Variants in LYSMD2 observed in about 807,000 individuals in gnomAD.
The protein encoded by LYSMD2 is lysM and putative peptidoglycan-binding domain-containing protein 2.
In LYSMD2, 6 loss-of-function variants were observed where a neutral mutation model predicts 17.7. The ratio of observed to expected loss-of-function variants is 0.34; its 90% confidence interval spans 0.19 to 0.67. The LOEUF (loss-of-function observed/expected upper bound fraction) is 0.67. LYSMD2 is among the 30% of genes least tolerant of loss of function. The pLI is 0.69. For missense variants in LYSMD2, 237 were observed against 286.7 expected (o/e 0.83, Z 1.25); for synonymous variants, 102 against 129.8 (o/e 0.79, Z 1.45).
intron 1 of LYSMD2, among the ~76,000 whole-genome samples, chr15:51,747,711 T>C (rs1021735330): frequency 6.6e-5 from 10 of 152,340 alleles, no homozygotes; most frequent in African/African-American, 2.4e-4. Context: ...GAATCAGTTG[T>C]TTGTCATGTA....
chr15:51,729,462 ATTTT>A (rs1308203025), intron 1 of LYSMD2, among the ~76,000 whole-genome samples: 1 of 152,112 alleles, frequency 6.6e-6, no homozygotes, highest in Non-Finnish European at 1.5e-5. Context: ...TTATTTATTT[ATTTT>A]TATTGTTTTT....
Position 51,743,267 on chromosome 15 carries a change from C to T in LYSMD2, c.-1+8004G>A, listed in dbSNP as rs192331746. On this transcript the variant is annotated intron_variant, in intron 1 of 2. Transcript: ENST00000454181. Reference sequence around the variant, plus strand: ...CTGGGAGTACAAGCAAGCACCACTGCACCCAGTGGGCTGATTCATCTTGAG... The same window carrying T: ...CTGGGAGTACAAGCAAGCACCACTGTACCCAGTGGGCTGATTCATCTTGAG... 1.7e-4 allele frequency among the ~76,000 whole-genome samples: 26 copies of T among 152,326 alleles called. 1 individual carries two copies. In the East Asian group the frequency reaches 4.8e-3, roughly 28 times the overall value.
intron 1 of LYSMD2, among the ~76,000 whole-genome samples, chr15:51,732,056 C>T (rs976458119): frequency 1.3e-5 from 2 of 152,182 alleles, no homozygotes; most frequent in Admixed American, 6.5e-5. Flanking sequence ...CAAGCCTAAA[C>T]TTATATGTCA....
rs1316932455 is a variant in LYSMD2 at position 51,737,646 on chromosome 15, C to A, written c.-24G>T. On this transcript the variant is annotated 5_prime_UTR_variant, in exon 1 of 3. Transcript: ENST00000267838. The surrounding 1 kb of genome is among the most constrained non-coding windows in gnomAD (Gnocchi z 4.2). Reference sequence around the variant, plus strand: ...ATGGGTCCTGCCGAGGCCGCCGGGTCGGGGAGCTTGCCAAGGGGGCGGCGC... The same window carrying A: ...ATGGGTCCTGCCGAGGCCGCCGGGTAGGGGAGCTTGCCAAGGGGGCGGCGC... 6 of 1,203,848 alleles carry A rather than the reference C, an allele frequency of 5.0e-6. No homozygotes were observed. The highest frequency in any genetic ancestry group is 6.2e-6 in the Non-Finnish European group (6 of 970,144). The allele number at this position is 1,203,848 out of a possible 1,614,324, so 74.6% of individuals were successfully genotyped here.
intron 1 of LYSMD2, among the ~76,000 whole-genome samples, chr15:51,726,351 T>C (rs1322340249): frequency 6.6e-6 from 1 of 152,222 alleles, no homozygotes; most frequent in Non-Finnish European, 1.5e-5. Context: ...GGTATACCTA[T>C]TGCTATTTCG....
upstream of LYSMD2, chr15:51,737,849 T>G: frequency 3.2e-6 from 1 of 308,742 alleles, no homozygotes; most frequent in Non-Finnish European, 5.9e-6. This position sits in a 1 kb window ranked among gnomAD's most constrained non-coding sequence, Gnocchi z 4.2. Context: ...CCTGCAAGGT[T>G]AAGAGCGAAA....
At chr15:51,737,698 C>A, upstream of LYSMD2, 9 of 1,056,254 alleles carry the variant, frequency 8.5e-6, no homozygotes, top group Non-Finnish European at 1.1e-5. This position sits in a 1 kb window ranked among gnomAD's most constrained non-coding sequence, Gnocchi z 4.2. Flanking sequence ...GCCGCCGCCG[C>A]CTCTTCCTCT....
At chr15:51,745,820 A>C (rs1182073155) in intron 1 of LYSMD2, among the ~76,000 whole-genome samples, 1 of 152,256 alleles carries the variant, frequency 6.6e-6, no homozygotes, top group African/African-American at 2.4e-5. Context: ...ATTTCTCCAA[A>C]GAAGATATAA....
chr15:51,751,176 C>T (rs2055698659), intron 1 of LYSMD2: 2 of 678,252 alleles, frequency 2.9e-6, no homozygotes, highest in Non-Finnish European at 5.4e-6. Flanking sequence ...TTCCACCTCG[C>T]TTACCTCCTT....
At chr15:51,744,823 C>T (rs1297613764) in intron 1 of LYSMD2, among the ~76,000 whole-genome samples, 2 of 152,062 alleles carry the variant, frequency 1.3e-5, no homozygotes, top group East Asian at 3.9e-4. Context: ...GTCAACAAAT[C>T]CAAAAGTGTA....
chr15:51,735,081 G>T (rs1288162039), intron 1 of LYSMD2, among the ~76,000 whole-genome samples: 1 of 152,060 alleles, frequency 6.6e-6, no homozygotes, highest in Non-Finnish European at 1.5e-5. Flanking sequence ...GGCCGAGGTG[G>T]GAAGATCACT....
chr15:51,738,948 G>C (rs1466911617), upstream of LYSMD2, among the ~76,000 whole-genome samples: 1 of 152,088 alleles, frequency 6.6e-6, no homozygotes, highest in Non-Finnish European at 1.5e-5. Flanking sequence ...ACATATTCCT[G>C]CCAAACAGAG....
At chr15:51,735,424 T>C (rs1425070099) in intron 1 of LYSMD2, among the ~76,000 whole-genome samples, 2 of 152,116 alleles carry the variant, frequency 1.3e-5, no homozygotes, top group African/African-American at 2.4e-5. Context: ...TGGCATCTAG[T>C]GGGTAGAGGC....
At chr15:51,751,444 G>T (rs2055701045) in exon 1 of LYSMD2, 1 of 663,490 alleles carries the variant, frequency 1.5e-6, no homozygotes, top group Admixed American at 2.2e-5. Flanking sequence ...CTGTGGCGGG[G>T]TTCAGACCCC....
chr15:51,730,213 A>C (rs956962757), intron 1 of LYSMD2, among the ~76,000 whole-genome samples: 1 of 152,224 alleles, frequency 6.6e-6, no homozygotes, highest in African/African-American at 2.4e-5. Flanking sequence ...CAACGTACTG[A>C]AAATGACTCC....
At chr15:51,726,869 T>C (rs1391122606) in intron 1 of LYSMD2, among the ~76,000 whole-genome samples, 2 of 152,330 alleles carry the variant, frequency 1.3e-5, no homozygotes, top group African/African-American at 2.4e-5. Context: ...CGACTGCTAA[T>C]AGTCATTGCT....
At chr15:51,728,192 G>A (rs560571302) in intron 1 of LYSMD2, among the ~76,000 whole-genome samples, 6 of 152,210 alleles carry the variant, frequency 3.9e-5, no homozygotes, top group South Asian at 2.1e-4. Flanking sequence ...CACTTTGGGA[G>A]GCCAAGGTCA....
At chr15:51,740,286 T>A (rs569116681), upstream of LYSMD2, among the ~76,000 whole-genome samples, 62 of 152,076 alleles carry the variant, frequency 4.1e-4, no homozygotes, top group African/African-American at 1.4e-3. Context: ...TTTTTGTTTT[T>A]AAAAAAAAGA....
At chr15:51,745,992 C>A (rs965897986) in intron 1 of LYSMD2, among the ~76,000 whole-genome samples, 1 of 152,142 alleles carries the variant, frequency 6.6e-6, no homozygotes, top group Admixed American at 6.5e-5. Context: ...AATTTTCACC[C>A]ATTGCTGGTT....
Sources: gnomAD v4.1 joint callset for allele counts (sites outside exome capture counted in the v4.1 genomes callset) on GRCh38, gnomAD v4.1.1 for gene constraint, Gnocchi (gnomAD v3.1) non-coding constraint, MANE v1.5 for transcripts, NCBI Gene and HGNC (gene_info 2026-07-23, HGNC 2026-07-21) for gene names.